Variants in ARL15 observed in about 807,000 individuals in gnomAD.
ARL15 encodes ARF like GTPase 15.
Under a neutral mutation model 25.2 loss-of-function variants are expected in ARL15, and 19 were observed. The observed-to-expected ratio is 0.75, with a 90% confidence interval of 0.53 to 1.10. The LOEUF (loss-of-function observed/expected upper bound fraction) is 1.10, where lower values mean the gene tolerates loss of function less well. ARL15 is among the 50% of genes least tolerant of loss of function. The pLI is 0.00. For missense variants in ARL15, 220 were observed against 246.0 expected, an observed-to-expected ratio of 0.89 and a Z score of 0.71; for synonymous variants, 94 against 86.8, an observed-to-expected ratio of 1.08 and a Z score of -0.46.
chr5:54,068,009 C>T (rs1377638159), intron 4 of ARL15, among the ~76,000 whole-genome samples: 1 of 152,156 alleles, frequency 6.6e-6, no homozygotes, highest in Admixed American at 6.5e-5. Flanking sequence ...AAAGTGTCAG[C>T]ACTTCAAAGA....
intron 4 of ARL15, among the ~76,000 whole-genome samples, chr5:53,956,918 A>G (rs2112135482): frequency 6.6e-6 from 1 of 152,236 alleles, no homozygotes; most frequent in South Asian, 2.1e-4. Context: ...GAGCAGAAAG[A>G]AAAAAGGATG....
At chr5:54,181,199 A>C (rs752142740) in intron 1 of ARL15, among the ~76,000 whole-genome samples, 1 of 152,246 alleles carries the variant, frequency 6.6e-6, no homozygotes. Flanking sequence ...CTAGGAAAGA[A>C]AACTAAGTAA....
chr5:54,214,455 T>C (rs1212193617), intron 1 of ARL15, among the ~76,000 whole-genome samples: 1 of 152,154 alleles, frequency 6.6e-6, no homozygotes, highest in African/African-American at 2.4e-5. Flanking sequence ...TTTCCCTACA[T>C]ATTGTCCTCT....
At chr5:54,284,387 G>A (rs186941412) in intron 1 of ARL15, among the ~76,000 whole-genome samples, 19 of 152,316 alleles carry the variant, frequency 1.2e-4, no homozygotes, top group South Asian at 4.1e-4. Flanking sequence ...TTATAGGCAT[G>A]AGCCATCACA....
At chr5:54,123,182 T>C (rs1753141632) in intron 3 of ARL15, among the ~76,000 whole-genome samples, 1 of 151,874 alleles carries the variant, frequency 6.6e-6, no homozygotes, top group South Asian at 2.1e-4. Flanking sequence ...CCATCTCGGC[T>C]CACTGCAACC....
chr5:53,942,055 A>T (rs1746556094), intron 4 of ARL15, among the ~76,000 whole-genome samples: 1 of 152,170 alleles, frequency 6.6e-6, no homozygotes, highest in Non-Finnish European at 1.5e-5. Context: ...GGTAGGAAGC[A>T]ATTACAAGAA....
chr5:53,928,413 A>C (rs1001276056), intron 4 of ARL15, among the ~76,000 whole-genome samples: 2 of 152,158 alleles, frequency 1.3e-5, no homozygotes, highest in Non-Finnish European at 2.9e-5. Context: ...TTTACTTCCA[A>C]TTCTCCAACC....
At chr5:54,154,662 TAAAA>T in intron 2 of ARL15, 23 bp from the exon 3 acceptor site, 8 of 1,436,776 alleles carry the variant, frequency 5.6e-6, no homozygotes, top group Non-Finnish European at 7.4e-6. Context: ...AACAAAAACA[TAAAA>T]AAAGAATTAG....
chr5:54,272,462 G>A (rs2112648727), intron 1 of ARL15, among the ~76,000 whole-genome samples: 1 of 152,148 alleles, frequency 6.6e-6, no homozygotes, highest in South Asian at 2.1e-4. Context: ...GCACAAAAAT[G>A]TACAATTCCT....
chr5:53,910,501 A>T (rs1745412310), intron 4 of ARL15, among the ~76,000 whole-genome samples: 2 of 151,958 alleles, frequency 1.3e-5, no homozygotes, highest in Middle Eastern at 6.8e-3. Flanking sequence ...TATAGAAAAC[A>T]TCTTCTTAGA....
At chr5:54,150,108 T>C (rs1754025885) in intron 3 of ARL15, among the ~76,000 whole-genome samples, 1 of 152,204 alleles carries the variant, frequency 6.6e-6, no homozygotes, top group Admixed American at 6.5e-5. Context: ...CACCTCTTAC[T>C]TGGTTTATGC....
chr5:54,252,111 A>G (rs1421985903), intron 1 of ARL15, among the ~76,000 whole-genome samples: 2 of 152,258 alleles, frequency 1.3e-5, no homozygotes, highest in Non-Finnish European at 2.9e-5. Flanking sequence ...TATGGACCTT[A>G]TAGTAACTGG....
intron 1 of ARL15, among the ~76,000 whole-genome samples, chr5:54,197,098 T>G (rs1379797770): frequency 1.3e-5 from 2 of 152,152 alleles, no homozygotes; most frequent in Non-Finnish European, 2.9e-5. Flanking sequence ...CTTCCTTTCA[T>G]ATTGGTGGTA....
chr5:54,255,717 T>C (rs1757346182), intron 1 of ARL15, among the ~76,000 whole-genome samples: 5 of 152,186 alleles, frequency 3.3e-5, no homozygotes, highest in Non-Finnish European at 7.3e-5. Flanking sequence ...AGTCAAAACT[T>C]TGTTTCATGA....
intron 2 of ARL15, among the ~76,000 whole-genome samples, chr5:54,166,700 TTC>T (rs1226108204): frequency 1.3e-5 from 2 of 152,190 alleles, no homozygotes; most frequent in Non-Finnish European, 2.9e-5. Context: ...TTGCATTTTT[TTC>T]TCTCTCAGAT....
At chr5:54,181,342 C>T (rs996739267) in intron 1 of ARL15, among the ~76,000 whole-genome samples, 7 of 152,102 alleles carry the variant, frequency 4.6e-5, no homozygotes, top group Non-Finnish European at 1.0e-4. Flanking sequence ...ATGTCTGTAA[C>T]GAGACCTAAC....
chr5:54,246,130 TTCAC>T (rs1757080613), intron 1 of ARL15, among the ~76,000 whole-genome samples: 1 of 116,704 alleles, frequency 8.6e-6, no homozygotes, highest in Non-Finnish European at 1.9e-5. Flanking sequence ...TATAAAGATC[TTCAC>T]TCACTTTTTT....
intron 1 of ARL15, among the ~76,000 whole-genome samples, chr5:54,291,109 A>G (rs1336013714): frequency 1.3e-5 from 2 of 152,202 alleles, no homozygotes; most frequent in African/African-American, 4.8e-5. Flanking sequence ...AGACAATCTC[A>G]ACTTTTCTTC....
At chr5:54,008,568 T>G (rs1042259904) in intron 4 of ARL15, among the ~76,000 whole-genome samples, 1 of 152,206 alleles carries the variant, frequency 6.6e-6, no homozygotes, top group African/African-American at 2.4e-5. Context: ...GGTTTTCTCT[T>G]TACACTGGCT....
Sources: allele counts gnomAD v4.1 joint callset (sites outside exome capture counted in the v4.1 genomes callset), GRCh38; gene constraint gnomAD v4.1.1; transcripts MANE v1.5; gene names NCBI Gene and HGNC (gene_info 2026-07-23, HGNC 2026-07-21).